The following RBMS3 variants were observed in gnomAD, a reference collection of about 807,000 sequenced individuals.
The protein encoded by RBMS3 is RNA binding motif single stranded interacting protein 3.
Under a neutral mutation model 66.8 loss-of-function variants are expected in RBMS3, and 27 were observed. The observed-to-expected ratio is 0.40, with a 90% CI of 0.30 to 0.56. RBMS3 has a LOEUF of 0.56. Ranked by LOEUF, RBMS3 falls within the 20% of genes least tolerant of loss-of-function variation. The pLI is 0.40. For synonymous variants in RBMS3, 188 were observed against 183.0 expected, an observed-to-expected ratio of 1.03 and a Z score of -0.22; for missense variants, 513 against 549.5, an observed-to-expected ratio of 0.93 and a Z score of 0.66.
intron 10 of RBMS3, among the ~76,000 whole-genome samples, chr3:29,909,141 T>A (rs138813787): frequency 1.3e-5 from 2 of 152,208 alleles, no homozygotes; most frequent in African/African-American, 4.8e-5. Flanking sequence ...ATGTTTATAT[T>A]AGAGAACGAG....
intron 4 of RBMS3, chr3:29,642,784 T>TA (rs2049773271): frequency 6.6e-6 from 1 of 152,202 alleles, no homozygotes; most frequent in Non-Finnish European, 1.5e-5. Flanking sequence ...AGAGCCGCCG[T>TA]GTTCCAGCTA....
intron 4 of RBMS3, among the ~76,000 whole-genome samples, chr3:29,639,016 C>T (rs1013207172): frequency 4.6e-5 from 7 of 151,656 alleles, no homozygotes; most frequent in Admixed American, 1.3e-4. Flanking sequence ...TTTCTTTTAT[C>T]GTATTGTATT....
chr3:29,756,790 T>A (rs1327987990), intron 5 of RBMS3, among the ~76,000 whole-genome samples: 1 of 152,156 alleles, frequency 6.6e-6, no homozygotes, highest in Non-Finnish European at 1.5e-5. Context: ...AAGCACTTTA[T>A]GTTTATCAGT....
intron 3 of RBMS3, 40 bp downstream of exon 3, chr3:29,488,539 G>C: frequency 6.5e-7 from 1 of 1,548,540 alleles, no homozygotes; most frequent in African/African-American, 1.4e-5. Flanking sequence ...TCTTGCCTAT[G>C]CTATCTGATT....
At chr3:29,612,934 G>A (rs1017654640) in intron 4 of RBMS3, among the ~76,000 whole-genome samples, 15 of 152,116 alleles carry the variant, frequency 9.9e-5, no homozygotes, top group African/African-American at 3.6e-4. Flanking sequence ...TATAATTATT[G>A]TAATTAATTT....
intron 2 of RBMS3, among the ~76,000 whole-genome samples, chr3:29,466,618 T>A (rs182706955): frequency 7.9e-4 from 120 of 152,210 alleles, no homozygotes; most frequent in African/African-American, 2.7e-3. Context: ...GTTGGGAGAT[T>A]AATATCATGG....
At chr3:29,897,576 A>G (rs1044460115) in intron 9 of RBMS3, 101 bp downstream of exon 9, 6 of 1,014,590 alleles carry the variant, frequency 5.9e-6, no homozygotes, top group African/African-American at 1.6e-5. Context: ...AAAAATTCTC[A>G]TACACTTTAA....
chr3:29,405,713 C>T (rs2039990824), intron 1 of RBMS3, among the ~76,000 whole-genome samples: 1 of 152,098 alleles, frequency 6.6e-6, no homozygotes, highest in Non-Finnish European at 1.5e-5. Context: ...TCATTTCTCA[C>T]CTAAAACATG....
intron 10 of RBMS3, among the ~76,000 whole-genome samples, chr3:29,921,824 T>C (rs1349964801): frequency 2.0e-5 from 3 of 152,170 alleles, no homozygotes; most frequent in African/African-American, 7.2e-5. Context: ...TATTTTAGAG[T>C]TATTTCCTTC....
intron 7 of RBMS3, among the ~76,000 whole-genome samples, chr3:29,872,488 G>A (rs866198747): frequency 1.3e-5 from 2 of 152,016 alleles, no homozygotes; most frequent in African/African-American, 2.4e-5. Flanking sequence ...GAACCCTATA[G>A]ATCTTCTAAT....
chr3:29,904,406 T>C (rs573387413), intron 10 of RBMS3, among the ~76,000 whole-genome samples: 2 of 151,972 alleles, frequency 1.3e-5, no homozygotes, highest in Non-Finnish European at 2.9e-5. Context: ...ACAATATTAC[T>C]CTACAAATGT....
At chr3:29,439,617 TA>T (rs1344733221) in intron 2 of RBMS3, among the ~76,000 whole-genome samples, 4 of 96,788 alleles carry the variant, frequency 4.1e-5, no homozygotes, top group African/African-American at 1.1e-4. Context: ...TTATTTTTAT[TA>T]TTATTATACT....
At chr3:29,764,114 C>T (rs185699421) in intron 6 of RBMS3, among the ~76,000 whole-genome samples, 1 of 114,746 alleles carries the variant, frequency 8.7e-6, no homozygotes, top group Admixed American at 8.8e-5. Context: ...TAATGACTTG[C>T]TTTTTTTAAG....
chr3:29,773,412 C>T (rs2581891), intron 6 of RBMS3, among the ~76,000 whole-genome samples: 70,000 of 151,840 alleles, frequency 0.46, 16,612 homozygotes, highest in African/African-American at 0.55. Flanking sequence ...AAAGTTATTA[C>T]ACATTCCATA....
At chr3:29,978,831 A>G (rs1036662742) in intron 12 of RBMS3, among the ~76,000 whole-genome samples, 5 of 152,232 alleles carry the variant, frequency 3.3e-5, no homozygotes, top group Admixed American at 1.3e-4. Context: ...AGTGTGCTGA[A>G]TACTAGGTCA....
At chr3:29,991,233 C>A (rs772602330) in intron 14 of RBMS3, 24 bp downstream of exon 14, 1 of 1,613,724 alleles carries the variant, frequency 6.2e-7, no homozygotes, top group Admixed American at 1.7e-5. Context: ...GTGCTAAGCT[C>A]TTTTCCTCAA....
intron 7 of RBMS3, 147 bp downstream of exon 7, chr3:29,869,111 A>C: frequency 1.6e-6 from 1 of 630,616 alleles, no homozygotes; most frequent in Non-Finnish European, 2.7e-6. Context: ...GACCCATGTT[A>C]ATGTGTTCTA....
chr3:29,699,424 G>T (rs1374797170), intron 4 of RBMS3, among the ~76,000 whole-genome samples: 1 of 152,184 alleles, frequency 6.6e-6, no homozygotes, highest in African/African-American at 2.4e-5. Flanking sequence ...TGGTATTACA[G>T]GCGTGAGCCA....
intron 8 of RBMS3, among the ~76,000 whole-genome samples, chr3:29,884,478 GCTCC>G (rs1338605610): frequency 1.6e-4 from 4 of 24,534 alleles, no homozygotes; most frequent in Admixed American, 1.2e-3. Flanking sequence ...CTCCCCCCCC[GCTCC>G]CTCCCTCCCT....
Sources: gnomAD v4.1 joint callset for allele counts (sites outside exome capture counted in the v4.1 genomes callset) on GRCh38, gnomAD v4.1.1 for gene constraint, MANE v1.5 for transcripts, NCBI Gene and HGNC (gene_info 2026-07-23, HGNC 2026-07-21) for gene names.